The following CACNA2D3 variants were observed in gnomAD, a reference collection of about 807,000 sequenced individuals.
The protein encoded by CACNA2D3 is calcium voltage-gated channel auxiliary subunit alpha2delta 3.
Under a neutral mutation model 160.6 loss-of-function variants are expected in CACNA2D3, and 60 were observed. That is an observed-to-expected ratio of 0.37 (90% confidence interval 0.30 to 0.46). The LOEUF (loss-of-function observed/expected upper bound fraction) is 0.46. Among genes scored for constraint, CACNA2D3 ranks in the 20% least tolerant of loss-of-function variants. The pLI, the probability that CACNA2D3 is intolerant of heterozygous loss-of-function variation, is 1.00. For missense variants in CACNA2D3, 1,205 were observed against 1,365.0 expected, an observed-to-expected ratio of 0.88 and a Z score of 1.85; for synonymous variants, 558 against 492.9, an observed-to-expected ratio of 1.13 and a Z score of -1.75.
At chr3:55,014,912 G>T (rs187195351) in intron 34 of CACNA2D3, among the ~76,000 whole-genome samples, 1 of 152,196 alleles carries the variant, frequency 6.6e-6, no homozygotes, top group Non-Finnish European at 1.5e-5. Flanking sequence ...GGCTTTACAC[G>T]ATAATTCACG....
chr3:54,662,987 A>G (rs1361409014), intron 11 of CACNA2D3, among the ~76,000 whole-genome samples: 1 of 152,224 alleles, frequency 6.6e-6, no homozygotes, highest in Non-Finnish European at 1.5e-5. Flanking sequence ...ACAGGAACCA[A>G]ATGAGCAATA....
chr3:54,730,517 CT>C (rs1419455305), intron 11 of CACNA2D3, among the ~76,000 whole-genome samples: 1 of 151,942 alleles, frequency 6.6e-6, no homozygotes, highest in Non-Finnish European at 1.5e-5. Context: ...TCCTTTCTTT[CT>C]TTTTGATGGA....
intron 13 of CACNA2D3, chr3:54,789,895 T>G: frequency 1.9e-6 from 1 of 516,642 alleles, no homozygotes; most frequent in South Asian, 1.4e-5. Flanking sequence ...ACAGGCTGTT[T>G]CAGGGGTCAG....
chr3:54,801,231 G>A (rs187994737), intron 13 of CACNA2D3, among the ~76,000 whole-genome samples: 91 of 152,156 alleles, frequency 6.0e-4, no homozygotes, highest in African/African-American at 2.0e-3. Context: ...CAAGTGATCT[G>A]CCCATTTTGG....
At chr3:54,188,883 A>G (rs1308357771) in intron 2 of CACNA2D3, among the ~76,000 whole-genome samples, 1 of 152,080 alleles carries the variant, frequency 6.6e-6, no homozygotes, top group Non-Finnish European at 1.5e-5. Flanking sequence ...TACTTGGCAG[A>G]CCCCTCTGAT....
At chr3:54,911,560 A>G (rs892745130) in intron 27 of CACNA2D3, among the ~76,000 whole-genome samples, 6 of 151,664 alleles carry the variant, frequency 4.0e-5, no homozygotes, top group Admixed American at 1.3e-4. Flanking sequence ...CAATCTGCCT[A>G]TAAATCCTGT....
intron 8 of CACNA2D3, among the ~76,000 whole-genome samples, chr3:54,580,980 A>G (rs1702666483): frequency 6.6e-6 from 1 of 152,168 alleles, no homozygotes; most frequent in Admixed American, 6.5e-5. Context: ...GTTTTAGGGG[A>G]AGGCTGATGA....
rs377214361 is a variant in CACNA2D3, at chr3:54,809,311, C to T, written c.1381-7542C>T. ...TCTTTCTTTCCTTCCTTCCTTCTTT[C>T]TTTTTTTTTTTTTTTTTTGAGACGG... On this transcript the variant is annotated intron_variant, in intron 13 of 37. Transcript: ENST00000474759. Among the ~76,000 whole-genome samples the T allele has an allele frequency of 8.5e-3, 687 of 80,548 alleles. 10 individuals are homozygous for T. The highest frequency in any genetic ancestry group is 9.6e-3 in the Non-Finnish European group (429 of 44,814). The allele number at this position is 80,548 out of a possible 152,430, so 52.8% of individuals were successfully genotyped here. A position where few individuals can be genotyped will look rare whatever the true frequency, so the allele number is the denominator to read the frequency against.
At chr3:54,354,366 C>T (rs557219718) in intron 3 of CACNA2D3, among the ~76,000 whole-genome samples, 13 of 152,072 alleles carry the variant, frequency 8.5e-5, no homozygotes, top group African/African-American at 2.7e-4. Context: ...GGGCAAAAGT[C>T]AACAAGGACT....
intron 27 of CACNA2D3, among the ~76,000 whole-genome samples, chr3:54,916,620 A>G (rs899117486): frequency 6.6e-6 from 1 of 152,236 alleles, no homozygotes; most frequent in Non-Finnish European, 1.5e-5. Context: ...TGGGGCCCAC[A>G]CTAGCTATGA....
intron 4 of CACNA2D3, among the ~76,000 whole-genome samples, chr3:54,487,048 T>C (rs1701026493): frequency 6.6e-6 from 1 of 152,190 alleles, no homozygotes; most frequent in African/African-American, 2.4e-5. Context: ...TAAGTCTTGA[T>C]GCAGATGATT....
At chr3:54,174,958 T>A (rs1700648317) in intron 2 of CACNA2D3, among the ~76,000 whole-genome samples, 1 of 152,206 alleles carries the variant, frequency 6.6e-6, no homozygotes, top group Admixed American at 6.5e-5. Context: ...CATTTGCTGC[T>A]ATAGGCCTTT....
At chr3:54,516,735 A>G (rs1218365771) in intron 5 of CACNA2D3, among the ~76,000 whole-genome samples, 3 of 152,146 alleles carry the variant, frequency 2.0e-5, no homozygotes, top group Admixed American at 6.5e-5. Flanking sequence ...TACTTTATTC[A>G]AGTCCCAGGC....
chr3:54,781,111 G>A (rs1702527885), intron 13 of CACNA2D3, among the ~76,000 whole-genome samples: 1 of 152,168 alleles, frequency 6.6e-6, no homozygotes, highest in Non-Finnish European at 1.5e-5. Context: ...TAATGTTACT[G>A]AGAACAGATT....
At chr3:54,830,720 T>G (rs1175845982) in intron 14 of CACNA2D3, among the ~76,000 whole-genome samples, 1 of 151,728 alleles carries the variant, frequency 6.6e-6, no homozygotes, top group East Asian at 2.0e-4. Flanking sequence ...TGCTGGGATT[T>G]GGCCACTTGG....
chr3:54,675,455 G>T (rs1396737473), intron 11 of CACNA2D3, among the ~76,000 whole-genome samples: 2 of 152,166 alleles, frequency 1.3e-5, no homozygotes, highest in Admixed American at 1.3e-4. Flanking sequence ...GACCTTTTCT[G>T]TTGACAGAGG....
chr3:54,460,637 C>A (rs1258384503), intron 4 of CACNA2D3, among the ~76,000 whole-genome samples: 1 of 152,122 alleles, frequency 6.6e-6, no homozygotes, highest in Non-Finnish European at 1.5e-5. Context: ...TATCCTGAGA[C>A]TTTGCTGAAG....
intron 35 of CACNA2D3, among the ~76,000 whole-genome samples, chr3:55,031,877 C>T (rs1703696877): frequency 6.6e-6 from 1 of 152,120 alleles, no homozygotes; most frequent in Non-Finnish European, 1.5e-5. Flanking sequence ...AGGATAAAAT[C>T]ATTGTATCAG....
chr3:54,616,632 A>AT (rs1202928401), intron 9 of CACNA2D3, among the ~76,000 whole-genome samples: 7 of 152,216 alleles, frequency 4.6e-5, no homozygotes, highest in African/African-American at 1.7e-4. Flanking sequence ...AGGGACGTCG[A>AT]TGTAGATGGT....
Sources: allele counts gnomAD v4.1 joint callset (sites outside exome capture counted in the v4.1 genomes callset), GRCh38; gene constraint gnomAD v4.1.1; transcripts MANE v1.5; gene names NCBI Gene and HGNC (gene_info 2026-07-23, HGNC 2026-07-21).